ZNF804A: variants seen among roughly 807,000 people sequenced by gnomAD.
ZNF804A encodes the protein zinc finger protein 804A.
ZNF804A carries 2 observed loss-of-function variants against 16.5 expected under a neutral mutation model. The ratio of observed to expected loss-of-function variants is 0.12; its 90% CI spans 0.05 to 0.38. The LOEUF (loss-of-function observed/expected upper bound fraction) is 0.38, where lower values mean the gene tolerates loss of function less well. Ranked by LOEUF, ZNF804A falls within the 10% of genes least tolerant of loss-of-function variation. The pLI, the probability that ZNF804A is intolerant of heterozygous loss-of-function variation, is 0.99. For missense variants in ZNF804A, 1,473 were observed against 1,390.7 expected (o/e 1.06, Z -0.94); for synonymous variants, 534 against 489.6 (o/e 1.09, Z -1.20).
rs150913595 is a variant in ZNF804A, at chr2:184,851,787, A to C, written c.112-14582A>C. On this transcript the variant is annotated intron_variant, in intron 1 of 3. Coordinates refer to ENST00000302277, the MANE Select transcript of ZNF804A (RefSeq NM_194250.2). ...TATTGTTTTGCATAATGGCTTGCTA[A>C]TTTACATACCCACCAACAGAACACA... is the stretch of plus-strand genomic sequence containing the variant. 4.8e-3 allele frequency among the ~76,000 whole-genome samples: 734 copies of C among 151,880 alleles called. 6 individuals are homozygous for C. The highest frequency in any genetic ancestry group is 9.2e-3 in the Admixed American group (139 of 15,174).
intron 2 of ZNF804A, among the ~76,000 whole-genome samples, chr2:184,900,430 A>T (rs908813101): frequency 6.6e-6 from 1 of 152,242 alleles, no homozygotes; most frequent in South Asian, 2.1e-4. Flanking sequence ...TCATATTCCA[A>T]GTGTATAGAC....
intron 1 of ZNF804A, among the ~76,000 whole-genome samples, chr2:184,758,892 A>T (rs190381811): frequency 3.3e-5 from 5 of 152,026 alleles, no homozygotes; most frequent in Admixed American, 3.3e-4. Flanking sequence ...CTCATCACCT[A>T]TATCTATGCT....
intron 1 of ZNF804A, among the ~76,000 whole-genome samples, chr2:184,762,022 G>A (rs533982840): frequency 2.0e-5 from 3 of 151,978 alleles, no homozygotes; most frequent in Non-Finnish European, 2.9e-5. Flanking sequence ...AACTGCTGAC[G>A]TATAGCTTAG....
At chr2:184,707,056 C>A (rs567141081) in intron 1 of ZNF804A, among the ~76,000 whole-genome samples, 3 of 152,222 alleles carry the variant, frequency 2.0e-5, no homozygotes, top group African/African-American at 7.2e-5. Flanking sequence ...TAAAGAGATT[C>A]AAGGCTGCCA....
At chr2:184,905,690 T>C (rs987684621) in intron 2 of ZNF804A, among the ~76,000 whole-genome samples, 2 of 152,154 alleles carry the variant, frequency 1.3e-5, no homozygotes, top group Non-Finnish European at 2.9e-5. Flanking sequence ...GCATAGAGAC[T>C]CTGTGTTTAT....
intron 2 of ZNF804A, among the ~76,000 whole-genome samples, chr2:184,921,774 C>T (rs1685533140): frequency 6.6e-6 from 1 of 152,030 alleles, no homozygotes; most frequent in Non-Finnish European, 1.5e-5. Context: ...TACCCTACCC[C>T]CAGCTACACT....
At chr2:184,623,428 A>T (rs1446843612) in intron 1 of ZNF804A, among the ~76,000 whole-genome samples, 3 of 152,120 alleles carry the variant, frequency 2.0e-5, no homozygotes, top group Non-Finnish European at 4.4e-5. Flanking sequence ...TCCAGAAATT[A>T]TTGAAGATTT....
intron 2 of ZNF804A, among the ~76,000 whole-genome samples, chr2:184,919,580 T>C (rs1685499616): frequency 6.6e-6 from 1 of 152,154 alleles, no homozygotes; most frequent in South Asian, 2.1e-4. Context: ...GTCTTCCTGT[T>C]TTTCTCCCAT....
intron 2 of ZNF804A, among the ~76,000 whole-genome samples, chr2:184,928,589 T>A (rs1412694646): frequency 6.6e-6 from 1 of 152,124 alleles, no homozygotes; most frequent in Non-Finnish European, 1.5e-5. Context: ...GCCTAGGAGT[T>A]GCAGTCTAGA....
At chr2:184,703,424 C>T (rs551408621) in intron 1 of ZNF804A, among the ~76,000 whole-genome samples, 12 of 151,832 alleles carry the variant, frequency 7.9e-5, no homozygotes, top group Admixed American at 5.9e-4. Context: ...CAATGCAGGC[C>T]GGGCTTTGTG....
At chr2:184,819,977 T>G (rs1695046364) in intron 1 of ZNF804A, among the ~76,000 whole-genome samples, 1 of 151,952 alleles carries the variant, frequency 6.6e-6, no homozygotes, top group African/African-American at 2.4e-5. Flanking sequence ...ACAACTAAAT[T>G]TTACCGGGGG....
intron 1 of ZNF804A, among the ~76,000 whole-genome samples, chr2:184,696,315 AAC>A (rs1451749343): frequency 6.6e-6 from 1 of 152,206 alleles, no homozygotes; most frequent in Non-Finnish European, 1.5e-5. Context: ...AAAAACAGGC[AAC>A]AACATCAAAT....
At chr2:184,688,609 C>A (rs535681032) in intron 1 of ZNF804A, among the ~76,000 whole-genome samples, 3 of 152,060 alleles carry the variant, frequency 2.0e-5, no homozygotes, top group Admixed American at 6.5e-5. Flanking sequence ...ACATGTCTCT[C>A]AATATACAAT....
intron 1 of ZNF804A, among the ~76,000 whole-genome samples, chr2:184,681,982 CAT>C (rs1407823314): frequency 6.6e-6 from 1 of 152,230 alleles, no homozygotes; most frequent in Non-Finnish European, 1.5e-5. Context: ...GACCCAGACA[CAT>C]GTGTGCATGC....
intron 2 of ZNF804A, among the ~76,000 whole-genome samples, chr2:184,890,084 A>AT (rs753867605): frequency 2.6e-5 from 4 of 152,266 alleles, no homozygotes; most frequent in Admixed American, 2.6e-4. Context: ...ATAACCAAAG[A>AT]TAACAGTCAG....
Position 184,936,336 on chromosome 2 carries a change from T to C in ZNF804A, c.940T>C (p.Phe314Leu). Residue 314 changes from phenylalanine (F) to leucine (L), a missense_variant, in exon 4 of 4, where the codon TTT (phenylalanine) becomes CTT (leucine). Physicochemically the swap from Phe to Leu is conservative, Grantham distance 22. Coordinates refer to ENST00000302277, the MANE Select transcript of ZNF804A (RefSeq NM_194250.2). The stretch of plus-strand genomic sequence containing the variant: ...ATTATTATTACCTTCATTTTGCAAG[T>C]TTCAACTTCAGTTATCTTCTGATGC... The part of the protein sequence containing the change: ...DALLLPSFCK[F>L]QLQLSSDADN... 3.1e-6 allele frequency: 5 copies of C among 1,613,860 alleles called. No individual in the cohort carries two copies. The highest frequency in any genetic ancestry group is 4.2e-6 in the Non-Finnish European group (5 of 1,179,884).
chr2:184,881,539 A>G (rs1321914905), intron 2 of ZNF804A, among the ~76,000 whole-genome samples: 1 of 152,124 alleles, frequency 6.6e-6, no homozygotes, highest in African/African-American at 2.4e-5. Flanking sequence ...CAGTTCACTT[A>G]TAATGGAAGC....
intron 1 of ZNF804A, among the ~76,000 whole-genome samples, chr2:184,844,914 T>C (rs547461417): frequency 6.6e-6 from 1 of 152,188 alleles, no homozygotes; most frequent in East Asian, 1.9e-4. Flanking sequence ...ATTTGCTTCT[T>C]TCCTTCATTT....
chr2:184,610,623 A>G (rs1037936381), intron 1 of ZNF804A, among the ~76,000 whole-genome samples: 2 of 152,306 alleles, frequency 1.3e-5, no homozygotes, highest in Non-Finnish European at 2.9e-5. Flanking sequence ...GAAAGTATCA[A>G]TGGAAATACT....
Sources: allele counts gnomAD v4.1 joint callset (sites outside exome capture counted in the v4.1 genomes callset), GRCh38; gene constraint gnomAD v4.1.1; transcripts MANE v1.5; gene names NCBI Gene and HGNC (gene_info 2026-07-23, HGNC 2026-07-21).